The following CHD9 variants were observed in gnomAD, a reference collection of about 807,000 sequenced individuals.
CHD9 encodes chromodomain helicase DNA binding protein 9, also known as ATP-dependent chromatin remodeler CHD9.
A neutral mutation model predicts 316.1 loss-of-function variants in CHD9; 77 were observed. That is an observed-to-expected ratio of 0.24 (90% confidence interval 0.20 to 0.29). The LOEUF is 0.29. CHD9 is among the 10% of genes least tolerant of loss of function. The probability of loss-of-function intolerance (pLI) is 1.00; values close to 1 mark genes in which losing one functional copy is unlikely to be tolerated. For missense variants in CHD9, 2,763 were observed against 3,438.1 expected (o/e 0.80, Z 4.91); for synonymous variants, 1,129 against 1,158.3 (o/e 0.97, Z 0.51).
rs534037906 is a variant in CHD9, at chr16:53,155,876, A to G, written c.-164-50A>G. On this transcript the variant is annotated intron_variant, in intron 1 of 38. Transcript: ENST00000447540. ...TTTCAGAGTTCATTTTTGTTGTAGC[A>G]TGTATCAGTACTTAATTTCTCTTTA... 9 of 524,164 alleles carry G rather than the reference A, an allele frequency of 1.7e-5. No homozygotes were observed. In the South Asian group the frequency reaches 2.5e-4, roughly 14 times the overall value. 32.5% of individuals were successfully genotyped at this position (524,164 alleles called of 1,614,324 possible). A position where few individuals can be genotyped will look rare whatever the true frequency, so the allele number is the denominator to read the frequency against.
At chr16:53,096,405 A>G (rs1310227100) in intron 1 of CHD9, among the ~76,000 whole-genome samples, 1 of 152,212 alleles carries the variant, frequency 6.6e-6, no homozygotes, top group Non-Finnish European at 1.5e-5. Flanking sequence ...TTTTGCCATA[A>G]CATTTATTGA....
chr16:53,165,161 A>T (rs2152765107), intron 2 of CHD9, among the ~76,000 whole-genome samples: 1 of 152,332 alleles, frequency 6.6e-6, no homozygotes, highest in African/African-American at 2.4e-5. Flanking sequence ...GGGAGATGGA[A>T]TAGCTTAGAT....
chr16:53,116,079 A>C (rs894670212), intron 1 of CHD9, among the ~76,000 whole-genome samples: 1 of 152,046 alleles, frequency 6.6e-6, no homozygotes, highest in South Asian at 2.1e-4. Context: ...TTTCTTTTTG[A>C]GACAGAGTCT....
chr16:53,179,131 G>C (rs79442933), intron 2 of CHD9, among the ~76,000 whole-genome samples: 4 of 152,298 alleles, frequency 2.6e-5, no homozygotes, highest in Non-Finnish European at 5.9e-5. Flanking sequence ...ATATAGGATA[G>C]ATTTTGGTTT....
At chr16:53,272,688 C>G (rs1382787871) in intron 22 of CHD9, among the ~76,000 whole-genome samples, 1 of 152,050 alleles carries the variant, frequency 6.6e-6, no homozygotes, top group African/African-American at 2.4e-5. Context: ...TGCAGGCTTA[C>G]ATTTATAATA....
chr16:53,217,421 T>G (rs2046849378), intron 3 of CHD9, among the ~76,000 whole-genome samples: 1 of 152,104 alleles, frequency 6.6e-6, no homozygotes, highest in South Asian at 2.1e-4. Context: ...GCCTAGCTGA[T>G]TTTTGTATTT....
intron 2 of CHD9, chr16:53,208,251 GC>G: frequency 8.2e-7 from 1 of 1,217,622 alleles, no homozygotes; most frequent in Non-Finnish European, 1.0e-6. Flanking sequence ...TTCTTTCAAT[GC>G]TTTTTTCTTG....
At chr16:53,181,199 T>A (rs1035098290) in intron 2 of CHD9, among the ~76,000 whole-genome samples, 1 of 152,168 alleles carries the variant, frequency 6.6e-6, no homozygotes, top group Non-Finnish European at 1.5e-5. Context: ...TTAGTAGACA[T>A]GGCGTTTCTC....
chr16:53,085,696 A>G (rs929604021), intron 1 of CHD9, among the ~76,000 whole-genome samples: 3 of 152,090 alleles, frequency 2.0e-5, no homozygotes, highest in South Asian at 4.1e-4. Context: ...TCTTTTTTCT[A>G]TTCCATTAGT....
At chr16:53,105,593 C>T (rs1209197494) in intron 1 of CHD9, among the ~76,000 whole-genome samples, 1 of 152,080 alleles carries the variant, frequency 6.6e-6, no homozygotes, top group Non-Finnish European at 1.5e-5. Flanking sequence ...AGTGAATAAC[C>T]TTTTATGCAT....
At position 53,232,732 on chromosome 16, in the gene CHD9, GC is replaced by G. The variant is rs2048285558; in HGVS notation, c.2511+949del. Among the ~76,000 whole-genome samples the G allele has an allele frequency of 2.0e-5, 3 of 152,260 alleles. No homozygotes were observed. In the East Asian group the frequency reaches 5.8e-4, roughly 29 times the overall value. The stretch of plus-strand genomic sequence containing the variant: ...TGATCTAATGCAGAAATTATTTTAA[GC>G]AGCAGTTAAAATATATGTTAATTAT... On this transcript the variant is annotated intron_variant, in intron 10 of 38. Transcript: ENST00000447540.
rs2045341608 is a variant in CHD9, at chr16:53,200,363, T to TGGG, written c.1453-9119_1453-9118insGGG. ...TCCATTCTGGGCAACAGAGCAATAC[T>TGGG]CTGTCTCAAAAAAAAAAAAAAAAAA... On this transcript the variant is annotated intron_variant, in intron 2 of 38. Transcript: ENST00000447540. Among the ~76,000 whole-genome samples, 4 of 117,932 alleles carry TGGG rather than the reference T, an allele frequency of 3.4e-5. No individual in the cohort carries two copies. The Admixed American group carries it at 3.6e-4, about 11-fold the overall frequency. 77.4% of individuals were successfully genotyped at this position (117,932 alleles called of 152,430 possible). A position where few individuals can be genotyped will look rare whatever the true frequency, so the allele number is the denominator to read the frequency against.
chr16:53,247,113 A>C (rs1200094299), intron 15 of CHD9, among the ~76,000 whole-genome samples, 180 bp from the exon 16 acceptor site: 3 of 152,250 alleles, frequency 2.0e-5, no homozygotes, highest in African/African-American at 7.2e-5. Flanking sequence ...ATGGAATTAC[A>C]GTCTGGTATT....
At chr16:53,250,301 A>G in intron 17 of CHD9, 1 of 442,022 alleles carries the variant, frequency 2.3e-6, no homozygotes, top group Non-Finnish European at 4.0e-6. Context: ...TTACTAGCTT[A>G]TAAAAAATTA....
chr16:53,227,566 A>T lies in CHD9; in HGVS notation c.2131A>T (p.Ile711Phe). The change falls in exon 7 of 39, where the codon ATT (isoleucine) becomes TTT (phenylalanine). Residue 711 changes from isoleucine (I) to phenylalanine (F), a missense_variant. Transcript: ENST00000447540. ...TTCTTAGATATCACCTGGAGTGATG[A>T]TTGATACAGAAGAATTTTTTGTAAA... ...VKKEISPGVM[I>F]DTEEFFVKYK... 1 of 1,412,146 alleles carries T rather than the reference A, an allele frequency of 7.1e-7. No homozygotes were observed. Among genetic ancestry groups the T allele is most frequent in the Non-Finnish European group, 9.5e-7 (1 of 1,054,090 alleles). 87.5% of individuals were successfully genotyped at this position (1,412,146 alleles called of 1,614,324 possible). A position where few individuals can be genotyped will look rare whatever the true frequency, so the allele number is the denominator to read the frequency against.
chr16:53,061,690 A>G (rs900511007), intron 1 of CHD9, among the ~76,000 whole-genome samples: 1 of 152,206 alleles, frequency 6.6e-6, no homozygotes, highest in African/African-American at 2.4e-5. Context: ...CTCGACTCTC[A>G]TACCTCATTA....
At chr16:53,204,686 T>C (rs2045753473) in intron 2 of CHD9, among the ~76,000 whole-genome samples, 1 of 152,176 alleles carries the variant, frequency 6.6e-6, no homozygotes, top group Admixed American at 6.5e-5. Flanking sequence ...AGTACTGAAA[T>C]ATGATATATA....
chr16:53,269,548 G>C (rs1176244441), intron 22 of CHD9, among the ~76,000 whole-genome samples: 70 of 152,116 alleles, frequency 4.6e-4, no homozygotes, highest in Non-Finnish European at 2.9e-5. Context: ...TAGATAGGGT[G>C]GTCAGTGTAG....
chr16:53,188,411 T>C (rs1401577899), intron 2 of CHD9, among the ~76,000 whole-genome samples: 1 of 152,134 alleles, frequency 6.6e-6, no homozygotes, highest in Non-Finnish European at 1.5e-5. Context: ...CCAGAGCAGC[T>C]GTACCATTTT....
Sources: allele counts gnomAD v4.1 joint callset (sites outside exome capture counted in the v4.1 genomes callset), GRCh38; gene constraint gnomAD v4.1.1; transcripts MANE v1.5; gene names NCBI Gene and HGNC (gene_info 2026-07-23, HGNC 2026-07-21).